Variants in APTX observed in about 807,000 individuals in gnomAD.
APTX encodes forkhead-associated domain histidine triad-like protein.
A neutral mutation model predicts 42.3 loss-of-function variants in APTX; 33 were observed. That is an observed-to-expected ratio of 0.78 (90% CI 0.59 to 1.04). The LOEUF is 1.04. Ranked by LOEUF, APTX falls within the 50% of genes least tolerant of loss-of-function variation. The pLI is 0.00. For missense variants in APTX, 421 were observed against 415.1 expected (o/e 1.01, Z -0.12); for synonymous variants, 130 against 146.7 (o/e 0.89, Z 0.82).
intron 1 of APTX, among the ~76,000 whole-genome samples, chr9:32,995,439 TA>T (rs1834605242): frequency 6.6e-6 from 1 of 152,198 alleles, no homozygotes; most frequent in Admixed American, 6.5e-5. Flanking sequence ...TAAAGAGAAC[TA>T]AAATTATAAG....
Position 32,973,151 on chromosome 9 carries a change from A to T in APTX, c.*347T>A. The T allele has an allele frequency of 2.1e-6, 1 of 471,558 alleles. No individual in the cohort carries two copies. The highest frequency in any genetic ancestry group is 4.2e-6 in the Non-Finnish European group (1 of 238,634). 29.2% of individuals were successfully genotyped at this position (471,558 alleles called of 1,614,324 possible). On this transcript the variant is annotated 3_prime_UTR_variant, in exon 8 of 8. Coordinates refer to ENST00000379817, the MANE Select transcript of APTX (RefSeq NM_001195248.2). ...TACAGAGGCGGAGGATAAATCTAAG[A>T]AACAGAAATGTATAACCAGCCCAAT...
chr9:33,001,949 A>G (rs1041263760), upstream of APTX, among the ~76,000 whole-genome samples: 1 of 152,216 alleles, frequency 6.6e-6, no homozygotes, highest in African/African-American at 2.4e-5. Flanking sequence ...GGAGACGTTC[A>G]CAACCTTTAA....
At chr9:33,001,224 C>A in intron 1 of APTX, 1 of 1,218,760 alleles carries the variant, frequency 8.2e-7, no homozygotes, top group Non-Finnish European at 1.1e-6. Flanking sequence ...TTTCACGAAG[C>A]ATTTCTGGCG....
chr9:33,013,310 T>A (rs911252250), intron 1 of APTX, among the ~76,000 whole-genome samples: 6 of 152,176 alleles, frequency 3.9e-5, no homozygotes, highest in Non-Finnish European at 7.4e-5. Context: ...AATAAGTAAC[T>A]TGTTTGTGGC....
chr9:33,025,105 T>G (rs967961897), exon 1 of APTX: 1 of 152,204 alleles, frequency 6.6e-6, no homozygotes, highest in Non-Finnish European at 1.5e-5. Flanking sequence ...GAAGCCGCGC[T>G]AGCACCAACA....
chr9:32,993,719 C>CTT (rs1269512640), intron 1 of APTX, among the ~76,000 whole-genome samples: 40 of 132,956 alleles, frequency 3.0e-4, no homozygotes, highest in East Asian at 2.2e-3. Context: ...ACCTCTATAT[C>CTT]TTTTTTTTTT....
intron 1 of APTX, chr9:33,020,091 G>T: frequency 2.6e-6 from 1 of 384,160 alleles, no homozygotes; most frequent in Non-Finnish European, 4.6e-6. Flanking sequence ...AGCCATCCCC[G>T]CAGTTGGCGC....
chr9:32,998,595 T>A (rs1278809532), intron 1 of APTX, among the ~76,000 whole-genome samples: 1 of 152,036 alleles, frequency 6.6e-6, no homozygotes, highest in Non-Finnish European at 1.5e-5. Flanking sequence ...CTGGAAACCA[T>A]CATTCTCAGC....
intron 1 of APTX, among the ~76,000 whole-genome samples, chr9:32,999,102 A>C (rs951335595): frequency 6.6e-5 from 10 of 152,218 alleles, no homozygotes; most frequent in Admixed American, 2.6e-4. Context: ...TACTTGTTGA[A>C]TAAATCATCT....
chr9:33,001,587 C>T lies in APTX; in HGVS notation c.-25G>A, dbSNP rs763843272. On this transcript the variant is annotated 5_prime_UTR_variant, in exon 1 of 8. Coordinates refer to ENST00000379817, the MANE Select transcript of APTX (RefSeq NM_001195248.2). ...CTTACCTCCAGAAGTCGGAGACGGACAAATTCACGTTACTCATCTGTGCCT... is the reference window on the plus strand; with the variant it reads ...CTTACCTCCAGAAGTCGGAGACGGATAAATTCACGTTACTCATCTGTGCCT... 2 of 1,614,012 alleles carry T rather than the reference C, an allele frequency of 1.2e-6. No individual in the cohort carries two copies. Among genetic ancestry groups the T allele is most frequent in the South Asian group, 1.1e-5 (1 of 91,076 alleles).
At position 33,001,528 on chromosome 9, in the gene APTX, G is replaced by A. The variant is rs1430134900; in HGVS notation, c.-5+39C>T. 15 of 1,613,044 alleles carry A rather than the reference G, an allele frequency of 9.3e-6. 1 individual carries two copies. The highest frequency in any genetic ancestry group is 1.3e-5 in the African/African-American group (1 of 74,926). ...GCCGAACGCTCACCCGCGGCATTGA[G>A]CCCAGCCAGCAGAAGAGATAGGCTG... On this transcript the variant is annotated intron_variant, in intron 1 of 7. Transcript: ENST00000379817.
upstream of APTX, among the ~76,000 whole-genome samples, chr9:33,004,163 C>T (rs1836954586): frequency 1.3e-5 from 2 of 152,190 alleles, no homozygotes; most frequent in African/African-American, 4.8e-5. Context: ...AGTGAAGTAA[C>T]TCAGGAATGG....
chr9:32,991,940 T>A (rs538374738), intron 1 of APTX, among the ~76,000 whole-genome samples: 1 of 152,288 alleles, frequency 6.6e-6, no homozygotes, highest in East Asian at 1.9e-4. Context: ...TTAAGTTGCC[T>A]GTGGAAGATC....
At chr9:33,016,315 T>C (rs919961627) in intron 1 of APTX, 1 of 152,180 alleles carries the variant, frequency 6.6e-6, no homozygotes, top group Admixed American at 6.5e-5. Context: ...ATACACTCAA[T>C]TTTAGCTTTT....
intron 6 of APTX, among the ~76,000 whole-genome samples, chr9:32,977,795 C>T (rs1829793152): frequency 6.6e-6 from 1 of 151,784 alleles, no homozygotes; most frequent in South Asian, 2.1e-4. Flanking sequence ...TGCACCACTG[C>T]ACTCCAGCCT....
intron 1 of APTX, 129 bp from the exon 2 acceptor site, chr9:32,990,024 C>G (rs1446327297): frequency 8.6e-7 from 1 of 1,160,726 alleles, no homozygotes; most frequent in Non-Finnish European, 1.2e-6. Context: ...CTTCACCACC[C>G]TAGTCTCAAT....
intron 1 of APTX, among the ~76,000 whole-genome samples, chr9:33,008,259 A>AT (rs1837300535): frequency 6.6e-6 from 1 of 151,188 alleles, no homozygotes; most frequent in African/African-American, 2.4e-5. Context: ...ACAACAAAGT[A>AT]TTGGGGAAAA....
chr9:32,988,438 C>T (rs747872887), intron 2 of APTX, among the ~76,000 whole-genome samples: 4 of 152,154 alleles, frequency 2.6e-5, no homozygotes, highest in Non-Finnish European at 4.4e-5. Flanking sequence ...CTGGCCTGCT[C>T]ATGATCACAG....
intron 1 of APTX, among the ~76,000 whole-genome samples, chr9:33,021,959 T>A (rs1838417739): frequency 1.4e-5 from 2 of 145,290 alleles, no homozygotes; most frequent in Non-Finnish European, 1.5e-5. Flanking sequence ...GGCTGTTAAT[T>A]TAAAAAAAAA....
Sources: allele counts gnomAD v4.1 joint callset (sites outside exome capture counted in the v4.1 genomes callset), GRCh38; gene constraint gnomAD v4.1.1; transcripts MANE v1.5; gene names NCBI Gene and HGNC (gene_info 2026-07-23, HGNC 2026-07-21).